SAMSN1: variants seen among roughly 807,000 people sequenced by gnomAD.
SAMSN1 encodes SAM domain-containing protein SAMSN-1.
Under a neutral mutation model 42.0 loss-of-function variants are expected in SAMSN1, and 31 were observed. The observed-to-expected ratio is 0.74, with a 90% CI of 0.55 to 1.00. SAMSN1 has a LOEUF of 1.00. Among genes scored for constraint, SAMSN1 ranks in the 50% least tolerant of loss-of-function variants. SAMSN1 has a pLI of 0.00. For synonymous variants in SAMSN1, 178 were observed against 151.9 expected, an observed-to-expected ratio of 1.17 and a Z score of -1.26; for missense variants, 464 against 439.4, an observed-to-expected ratio of 1.06 and a Z score of -0.50.
intron 1 of SAMSN1, among the ~76,000 whole-genome samples, chr21:14,654,196 T>C (rs1473408868): frequency 6.6e-6 from 1 of 151,954 alleles, no homozygotes; most frequent in Non-Finnish European, 1.5e-5. Context: ...ACACTTAGCA[T>C]ATTGAAAAGT....
chr21:14,506,292 G>A (rs1025525888), intron 5 of SAMSN1, among the ~76,000 whole-genome samples: 2 of 152,022 alleles, frequency 1.3e-5, no homozygotes, highest in African/African-American at 4.8e-5. Context: ...GCTGTTTTTT[G>A]AAAAGATGAA....
intron 1 of SAMSN1, among the ~76,000 whole-genome samples, chr21:14,652,758 T>G (rs1005383859): frequency 8.6e-5 from 13 of 151,884 alleles, no homozygotes; most frequent in African/African-American, 3.1e-4. Flanking sequence ...ACCCACAGAA[T>G]GGGAGAAAAC....
chr21:14,618,908 A>G (rs949611421), intron 2 of SAMSN1, among the ~76,000 whole-genome samples: 1 of 152,210 alleles, frequency 6.6e-6, no homozygotes, highest in African/African-American at 2.4e-5. Context: ...TCACTAGGGA[A>G]TGTGTGGCTT....
intron 7 of SAMSN1, among the ~76,000 whole-genome samples, chr21:14,495,154 G>A (rs890416791): frequency 6.6e-6 from 1 of 152,116 alleles, no homozygotes; most frequent in African/African-American, 2.4e-5. Context: ...AACGTTTAAC[G>A]TGACATGCAT....
At chr21:14,607,956 G>T (rs1982607385) in intron 5 of SAMSN1, among the ~76,000 whole-genome samples, 1 of 152,226 alleles carries the variant, frequency 6.6e-6, no homozygotes, top group African/African-American at 2.4e-5. Context: ...ATAGACAAAT[G>T]TTTGATTAAC....
intron 2 of SAMSN1, among the ~76,000 whole-genome samples, chr21:14,632,147 G>A (rs1983346176): frequency 6.6e-6 from 1 of 151,958 alleles, no homozygotes; most frequent in East Asian, 1.9e-4. Flanking sequence ...GAGTGGTTCT[G>A]GATCCAGCCA....
chr21:14,555,803 A>C (rs149077774), intron 2 of SAMSN1, among the ~76,000 whole-genome samples: 75 of 152,340 alleles, frequency 4.9e-4, no homozygotes, highest in African/African-American at 1.8e-3. Context: ...ATCGTGCCTC[A>C]TTTGGCAGAA....
intron 3 of SAMSN1, 51 bp from the exon 4 acceptor site, chr21:14,512,624 A>ATGTTCATTG: frequency 1.4e-5 from 22 of 1,554,422 alleles, no homozygotes; most frequent in African/African-American, 4.1e-5. Context: ...TTCCACAGAG[A>ATGTTCATTG]TGTACATTGA....
chr21:14,489,976 C>G (rs1263236031), intron 7 of SAMSN1, among the ~76,000 whole-genome samples: 1 of 152,014 alleles, frequency 6.6e-6, no homozygotes, highest in Non-Finnish European at 1.5e-5. Context: ...AAACTGGATC[C>G]TTATTCTGGG....
chr21:14,569,886 CT>C (rs1981239866), intron 2 of SAMSN1, among the ~76,000 whole-genome samples: 2 of 152,022 alleles, frequency 1.3e-5, no homozygotes, highest in Non-Finnish European at 2.9e-5. Flanking sequence ...ATCTAAATTT[CT>C]TGCAGATAGT....
Position 14,521,212 on chromosome 21 carries a change from T to C in SAMSN1, c.67A>G (p.Ser23Gly), listed in dbSNP as rs775727297. Reference sequence around the variant, plus strand: ...CGAAAACGATCGAAATTCCCAAAACTGCTGCTTCGCTATAAAATAGAAAAG... The same window carrying C: ...CGAAAACGATCGAAATTCCCAAAACCGCTGCTTCGCTATAAAATAGAAAAG... ...EKHQKPKRSS[S>G]FGNFDRFRNN... The change falls in exon 2 of 8, where the codon AGT (serine) becomes GGT (glycine). Residue 23 changes from serine to glycine, a missense_variant. Physicochemically the swap from Ser to Gly is moderately conservative, Grantham distance 56. Transcript: ENST00000400566. The C allele has an allele frequency of 1.2e-6, 2 of 1,610,528 alleles. No homozygotes were observed. Among genetic ancestry groups the C allele is most frequent in the South Asian group, 2.2e-5 (2 of 90,458 alleles).
chr21:14,535,221 A>C lies in SAMSN1; in HGVS notation c.57+10984T>G, dbSNP rs1185071644. ...ATCATGATTTTTGCTATTATTTTTA[A>C]TATGCAGCCAGAAAGCATGGGTCAA... On this transcript the variant is annotated intron_variant, in intron 1 of 7. Coordinates refer to ENST00000400566, the MANE Select transcript of SAMSN1 (RefSeq NM_022136.5). 2.0e-5 allele frequency among the ~76,000 whole-genome samples: 3 copies of C among 152,338 alleles called. No homozygotes were observed. In the East Asian group the frequency reaches 5.8e-4, roughly 29 times the overall value.
At chr21:14,629,396 A>G (rs1412955657) in intron 2 of SAMSN1, among the ~76,000 whole-genome samples, 1 of 152,170 alleles carries the variant, frequency 6.6e-6, no homozygotes, top group African/African-American at 2.4e-5. Flanking sequence ...CAGTCTGTGC[A>G]TTAGAGAGCC....
intron 5 of SAMSN1, among the ~76,000 whole-genome samples, chr21:14,504,806 C>T (rs1328211765): frequency 6.6e-6 from 1 of 152,150 alleles, no homozygotes; most frequent in Non-Finnish European, 1.5e-5. Flanking sequence ...ATCAGGTTAT[C>T]TGAAGTTAAG....
In SAMSN1 at chr21:14,623,119, G is replaced by A. The variant is rs78209423; in HGVS notation, c.157-7103C>T. On this transcript the variant is annotated intron_variant, in intron 2 of 15. Coordinates refer to the SAMSN1 transcript ENST00000647101. ...CTGCCCTACAAGAGCTCCTAAGGAAGCACTAAACATGGAAAGGAACAACCA... is the reference window on the plus strand; with the variant it reads ...CTGCCCTACAAGAGCTCCTAAGGAAACACTAAACATGGAAAGGAACAACCA... Among the ~76,000 whole-genome samples, 1,329 of 152,214 alleles carry A rather than the reference G, an allele frequency of 8.7e-3. 23 individuals carry two copies. The highest frequency in any genetic ancestry group is 0.03 in the African/African-American group (1,260 of 41,520).
chr21:14,579,068 CTTG>C (rs1383724565), intron 2 of SAMSN1, among the ~76,000 whole-genome samples: 17 of 152,070 alleles, frequency 1.1e-4, no homozygotes, highest in Non-Finnish European at 2.1e-4. Context: ...ATATTTTTCA[CTTG>C]TTGTTGTTAT....
In SAMSN1 at chr21:14,628,768, T is replaced by C. The variant is rs573835951; in HGVS notation, c.157-12752A>G. Among the ~76,000 whole-genome samples the C allele has an allele frequency of 1.3e-4, 20 of 152,338 alleles. No individual in the cohort carries two copies. The East Asian group carries it at 1.7e-3, about 13-fold the overall frequency. ...GAATGACAAGGATAAAATCCTATCC[T>C]TTTTGTGATTTCTTGATTTTACACA... On this transcript the variant is annotated intron_variant, in intron 2 of 15. Transcript: ENST00000647101.
At chr21:14,505,972 T>C (rs1987382419) in intron 5 of SAMSN1, among the ~76,000 whole-genome samples, 1 of 151,514 alleles carries the variant, frequency 6.6e-6, no homozygotes, top group Non-Finnish European at 1.5e-5. Context: ...AAATATATGA[T>C]CCCTGGGTGA....
intron 2 of SAMSN1, among the ~76,000 whole-genome samples, chr21:14,620,053 T>C (rs1234844050): frequency 6.6e-6 from 1 of 152,148 alleles, no homozygotes; most frequent in Non-Finnish European, 1.5e-5. Flanking sequence ...TATAATTCTA[T>C]GGCCTGTTTC....
Sources: gnomAD v4.1 joint callset for allele counts (sites outside exome capture counted in the v4.1 genomes callset) on GRCh38, gnomAD v4.1.1 for gene constraint, MANE v1.5 for transcripts, NCBI Gene and HGNC (gene_info 2026-07-23, HGNC 2026-07-21) for gene names.